Variants in PLCE1 observed in about 807,000 individuals in gnomAD.
PLCE1 encodes the protein phospholipase C epsilon 1.
Under a neutral mutation model 242.8 loss-of-function variants are expected in PLCE1, and 119 were observed. The ratio of observed to expected loss-of-function variants is 0.49; its 90% CI spans 0.42 to 0.57. The LOEUF (loss-of-function observed/expected upper bound fraction) is 0.57, where lower values mean the gene tolerates loss of function less well. PLCE1 is among the 20% of genes least tolerant of loss of function. The pLI, the probability that PLCE1 is intolerant of heterozygous loss-of-function variation, is 0.00. For missense variants in PLCE1, 2,441 were observed against 2,788.8 expected (o/e 0.88, Z 2.81); for synonymous variants, 945 against 1,017.4 (o/e 0.93, Z 1.35).
chr10:94,071,033 C>T (rs376097880), intron 2 of PLCE1, among the ~76,000 whole-genome samples: 87 of 152,290 alleles, frequency 5.7e-4, no homozygotes, highest in African/African-American at 2.0e-3. Context: ...GAGAGCTTCC[C>T]CTTTCACAGA....
chr10:94,191,596 G>A (rs556320553), intron 4 of PLCE1, among the ~76,000 whole-genome samples: 210 of 152,120 alleles, frequency 1.4e-3, no homozygotes, highest in Non-Finnish European at 3.2e-4. Flanking sequence ...AGCTGAGTTC[G>A]TGCCACTGCA....
chr10:94,279,700 T>C (rs751656226), intron 19 of PLCE1, 82 bp from the exon 20 acceptor site: 12 of 1,479,704 alleles, frequency 8.1e-6, no homozygotes, highest in Non-Finnish European at 1.1e-5. Context: ...ACGATTGTGT[T>C]AAACATCAGG....
chr10:94,133,670 C>A (rs1321085063), intron 3 of PLCE1, among the ~76,000 whole-genome samples: 1 of 152,144 alleles, frequency 6.6e-6, no homozygotes, highest in Non-Finnish European at 1.5e-5. Flanking sequence ...ATGTTGGGTG[C>A]CAAGTTGGTT....
At chr10:94,093,930 A>ATTTATT (rs1554852849) in intron 2 of PLCE1, among the ~76,000 whole-genome samples, 6 of 93,046 alleles carry the variant, frequency 6.4e-5, no homozygotes, top group African/African-American at 3.0e-4. Context: ...TTTAATCGGT[A>ATTTATT]TTTCTTTTTT....
At chr10:94,044,784 C>A (rs1299991090) in intron 2 of PLCE1, among the ~76,000 whole-genome samples, 4 of 152,058 alleles carry the variant, frequency 2.6e-5, no homozygotes, top group Non-Finnish European at 5.9e-5. Context: ...GGAACAGAAG[C>A]AGAAGAGCTT....
In PLCE1 at chr10:94,254,939, A is replaced by G; in HGVS notation, c.3444A>G (p.Arg1148=). Residue 1148 remains arginine (R), a synonymous_variant, in exon 11 of 33, where the codon AGA becomes AGG. Transcript: ENST00000371380. ...CTCCAAACCCCCTCCCTTCCAGAAG[A>G]GCCCACTCTTTGACCACAGCTGGGT... ...ANPPNPLPSR[R]AHSLTTAGSP... 1 of 1,614,058 alleles carries G rather than the reference A, an allele frequency of 6.2e-7. No individual in the cohort carries two copies. Among genetic ancestry groups the G allele is most frequent in the Non-Finnish European group, 8.5e-7 (1 of 1,179,924 alleles).
At chr10:94,239,636 C>T (rs1229073942) in intron 7 of PLCE1, among the ~76,000 whole-genome samples, 1 of 152,184 alleles carries the variant, frequency 6.6e-6, no homozygotes, top group Non-Finnish European at 1.5e-5. Context: ...CAGAGGCAAT[C>T]CTCAGTCATC....
chr10:94,001,877 AC>A (rs1248098420), intron 1 of PLCE1, among the ~76,000 whole-genome samples: 1 of 152,154 alleles, frequency 6.6e-6, no homozygotes, highest in East Asian at 1.9e-4. Context: ...AAAGCTAAAT[AC>A]TCTGGGCATG....
intron 2 of PLCE1, among the ~76,000 whole-genome samples, chr10:94,045,966 A>T (rs1194260678): frequency 8.9e-5 from 1 of 11,242 alleles, no homozygotes; most frequent in Non-Finnish European, 1.7e-4. Flanking sequence ...CAGGCGTGGT[A>T]AAAAAAAAAA....
At chr10:94,153,117 C>G (rs772408782) in intron 3 of PLCE1, among the ~76,000 whole-genome samples, 6 of 152,084 alleles carry the variant, frequency 3.9e-5, no homozygotes, top group Non-Finnish European at 7.4e-5. Flanking sequence ...TTGCAGTTTA[C>G]CATCTGTTCT....
intron 14 of PLCE1, among the ~76,000 whole-genome samples, chr10:94,263,625 C>G (rs1471863800): frequency 6.6e-6 from 1 of 151,854 alleles, no homozygotes; most frequent in Non-Finnish European, 1.5e-5. Flanking sequence ...CCAGGAGTCA[C>G]AGAGGTTGCA....
chr10:94,081,164 A>T (rs2044644020), intron 2 of PLCE1, among the ~76,000 whole-genome samples: 1 of 152,130 alleles, frequency 6.6e-6, no homozygotes, highest in Admixed American at 6.5e-5. Flanking sequence ...ACATGTTTAT[A>T]TCTTTTTCCA....
intron 9 of PLCE1, 149 bp from the exon 10 acceptor site, chr10:94,254,041 C>A (rs570828650): frequency 4.1e-6 from 3 of 734,658 alleles, no homozygotes; most frequent in African/African-American, 1.7e-5. Context: ...TGAGAATACT[C>A]GGTCAGCCTT....
intron 23 of PLCE1, among the ~76,000 whole-genome samples, chr10:94,296,733 A>G (rs2052834057): frequency 6.6e-6 from 1 of 152,198 alleles, no homozygotes; most frequent in Non-Finnish European, 1.5e-5. Flanking sequence ...CTGGAGTAGC[A>G]CTTTTAATTT....
At chr10:94,226,285 T>G (rs1218764471) in intron 4 of PLCE1, among the ~76,000 whole-genome samples, 1 of 152,182 alleles carries the variant, frequency 6.6e-6, no homozygotes, top group Non-Finnish European at 1.5e-5. Flanking sequence ...AACATTAGAG[T>G]TTGTGTAAAC....
At chr10:94,133,459 G>C (rs1344191449) in intron 3 of PLCE1, among the ~76,000 whole-genome samples, 1 of 152,204 alleles carries the variant, frequency 6.6e-6, no homozygotes, top group African/African-American at 2.4e-5. Flanking sequence ...ACCAGACAGG[G>C]ACCATGCAAA....
In PLCE1 at chr10:94,331,128, C is replaced by T. The variant is rs1281950317; in HGVS notation, c.*3185C>T. 6.6e-6 allele frequency: 1 copy of T among 152,156 alleles called. No individual in the cohort carries two copies. Among genetic ancestry groups the T allele is most frequent in the Non-Finnish European group, 1.5e-5 (1 of 68,020 alleles). The allele number at this position is 152,156 out of a possible 1,614,324, so 9.4% of individuals were successfully genotyped here. On this transcript the variant is annotated 3_prime_UTR_variant, in exon 33 of 33. Transcript: ENST00000371380. ...ATCATTAGCAAGTAAAAGTTATTTA[C>T]AAATTCTCCAGTTGGGAGTCAATAT...
chr10:94,019,147 G>T (rs898270310), intron 1 of PLCE1, among the ~76,000 whole-genome samples: 4 of 152,120 alleles, frequency 2.6e-5, no homozygotes, highest in African/African-American at 9.7e-5. Flanking sequence ...GCCTAGCAAG[G>T]TTGAGTTATT....
At chr10:94,251,930 T>G (rs2050890350) in intron 8 of PLCE1, among the ~76,000 whole-genome samples, 3 of 152,262 alleles carry the variant, frequency 2.0e-5, no homozygotes, top group South Asian at 4.1e-4. Context: ...ACAACTTGAT[T>G]TTACTTAGAT....
Sources: gnomAD v4.1 joint callset for allele counts (sites outside exome capture counted in the v4.1 genomes callset) on GRCh38, gnomAD v4.1.1 for gene constraint, MANE v1.5 for transcripts, NCBI Gene and HGNC (gene_info 2026-07-23, HGNC 2026-07-21) for gene names.